LGI2: variants seen among roughly 807,000 people sequenced by gnomAD.
The protein encoded by LGI2 is leucine rich repeat LGI family member 2, also known as leucine-rich repeat LGI family member 2.
Under a neutral mutation model 52.0 loss-of-function variants are expected in LGI2, and 30 were observed. The ratio of observed to expected loss-of-function variants is 0.58; its 90% CI spans 0.43 to 0.78. The LOEUF (loss-of-function observed/expected upper bound fraction) is 0.78. Among genes scored for constraint, LGI2 ranks in the 30% least tolerant of loss-of-function variants. LGI2 has a pLI of 0.00. For missense variants in LGI2, 573 were observed against 692.5 expected (o/e 0.83, Z 1.94); for synonymous variants, 270 against 271.8 (o/e 0.99, Z 0.06).
intron 2 of LGI2, among the ~76,000 whole-genome samples, chr4:25,027,281 C>T (rs1409741003): frequency 1.3e-5 from 2 of 151,010 alleles, no homozygotes; most frequent in Non-Finnish European, 2.9e-5. Flanking sequence ...CACAAGCAAT[C>T]ATAAAATTAG....
intron 4 of LGI2, among the ~76,000 whole-genome samples, chr4:25,024,184 C>T (rs1404607297): frequency 6.6e-6 from 1 of 152,164 alleles, no homozygotes; most frequent in African/African-American, 2.4e-5. Flanking sequence ...GCACCCAGCC[C>T]TGTGCCTGGT....
chr4:25,003,859 G>C lies in LGI2; in HGVS notation c.1230C>G (p.Pro410=). The change falls in exon 8 of 8, where the codon CCC becomes CCG. Residue 410 remains proline (P), a synonymous_variant. Coordinates refer to ENST00000382114, the MANE Select transcript of LGI2 (RefSeq NM_018176.4). ...CCTCCATGTTGGGGATGTCACCATG[G>C]GGGACAAACTTCTTAGAGCTTTTAT... ...QWNKSSKKFV[P]HGDIPNMEDV... The C allele has an allele frequency of 6.2e-7, 1 of 1,614,174 alleles. No homozygotes were observed. The highest frequency in any genetic ancestry group is 8.5e-7 in the Non-Finnish European group (1 of 1,180,036).
chr4:25,012,235 A>G, intron 7 of LGI2, 100 bp downstream of exon 7: 1 of 1,341,496 alleles, frequency 7.5e-7, no homozygotes, highest in Non-Finnish European at 1.0e-6. Flanking sequence ...ACCAGGTTAG[A>G]GAGCCGAGCT....
intron 6 of LGI2, among the ~76,000 whole-genome samples, chr4:25,016,962 C>G (rs1178166132): frequency 6.6e-6 from 1 of 152,176 alleles, no homozygotes; most frequent in African/African-American, 2.4e-5. Context: ...GAAACCCCAC[C>G]TAAGCCTTTC....
chr4:25,013,717 A>G (rs989837216), intron 6 of LGI2, among the ~76,000 whole-genome samples: 2 of 152,216 alleles, frequency 1.3e-5, no homozygotes, highest in African/African-American at 4.8e-5. Flanking sequence ...TTGCAGTGCT[A>G]TGGTGATCAC....
At chr4:25,012,745 T>C (rs915932408) in intron 6 of LGI2, among the ~76,000 whole-genome samples, 10 of 152,252 alleles carry the variant, frequency 6.6e-5, no homozygotes, top group Admixed American at 1.3e-4. Context: ...GAGAAACAGC[T>C]TCCCGAGTTT....
chr4:25,018,304 A>G (rs1725837602), intron 5 of LGI2, 146 bp from the exon 6 acceptor site: 1 of 584,204 alleles, frequency 1.7e-6, no homozygotes, highest in African/African-American at 1.9e-5. Context: ...TTTTATAATT[A>G]ATATCTCCTG....
At chr4:25,014,182 AT>A (rs1459504200) in intron 6 of LGI2, among the ~76,000 whole-genome samples, 1 of 152,082 alleles carries the variant, frequency 6.6e-6, no homozygotes, top group Admixed American at 6.5e-5. Context: ...CCTCCCTCCC[AT>A]TAGCCTCCCT....
At chr4:25,006,698 C>T (rs1368228955) in intron 7 of LGI2, among the ~76,000 whole-genome samples, 1 of 152,212 alleles carries the variant, frequency 6.6e-6, no homozygotes, top group Admixed American at 6.5e-5. Context: ...CATGCATTTA[C>T]TTATTTAATC....
Position 25,004,347 on chromosome 4 carries a change from C to CAGTGTA in LGI2, c.821-80_821-79insTACACT. 1 of 1,261,424 alleles carries CAGTGTA rather than the reference C, an allele frequency of 7.9e-7. No individual in the cohort carries two copies. Among genetic ancestry groups the CAGTGTA allele is most frequent in the Non-Finnish European group, 1.1e-6 (1 of 911,954 alleles). The allele number at this position is 1,261,424 out of a possible 1,614,324, so 78.1% of individuals were successfully genotyped here. On this transcript the variant is annotated intron_variant, in intron 7 of 7. Transcript: ENST00000382114. This position sits in a 1 kb window ranked among gnomAD's most constrained non-coding sequence, Gnocchi z 4.6. ...TCTCCGCTTGTACTCTTATACACTGCTGGTGGGAGTGTGAAATGGCACAGC... is the reference window on the plus strand; with the variant it reads ...TCTCCGCTTGTACTCTTATACACTGCAGTGTATGGTGGGAGTGTGAAATGGCACAGC...
At chr4:25,029,316 T>C (rs1726251721) in intron 1 of LGI2, among the ~76,000 whole-genome samples, 1 of 152,168 alleles carries the variant, frequency 6.6e-6, no homozygotes, top group Non-Finnish European at 1.5e-5. Context: ...TTAGCAATAT[T>C]AAGAATCAAA....
intron 2 of LGI2, among the ~76,000 whole-genome samples, chr4:25,027,629 GT>G (rs1268233230): frequency 6.6e-6 from 1 of 152,174 alleles, no homozygotes; most frequent in African/African-American, 2.4e-5. Flanking sequence ...AGTATCAAGA[GT>G]ATGTTTATTG....
rs182896460 is a variant in LGI2, at chr4:25,028,040, T to C, written c.269+467A>G. Among the ~76,000 whole-genome samples the C allele has an allele frequency of 1.3e-4, 20 of 152,348 alleles. 1 individual carries two copies. Among genetic ancestry groups the C allele is most frequent in the Admixed American group, 1.3e-3 (20 of 15,304 alleles). Reference sequence around the variant, plus strand: ...AAATGGGATCATAAGCATGCCTTCATCATACCGATGAAGTGATGATGAAAT... The same window carrying C: ...AAATGGGATCATAAGCATGCCTTCACCATACCGATGAAGTGATGATGAAAT... On this transcript the variant is annotated intron_variant, in intron 2 of 7. Coordinates refer to ENST00000382114, the MANE Select transcript of LGI2 (RefSeq NM_018176.4).
At chr4:25,011,854 G>A (rs555360041) in intron 7 of LGI2, among the ~76,000 whole-genome samples, 18 of 152,194 alleles carry the variant, frequency 1.2e-4, no homozygotes, top group East Asian at 5.8e-4. Flanking sequence ...TTCTTATTTC[G>A]TATGTACTTA....
At chr4:25,012,559 C>T (rs1725624262) in intron 6 of LGI2, 60 bp from the exon 7 acceptor site, 7 of 1,556,734 alleles carry the variant, frequency 4.5e-6, no homozygotes, top group Non-Finnish European at 6.2e-6. Flanking sequence ...GATTATCAAC[C>T]ACCATCACCG....
chr4:25,011,382 C>T (rs141833209), intron 7 of LGI2, among the ~76,000 whole-genome samples: 23 of 152,312 alleles, frequency 1.5e-4, no homozygotes, highest in African/African-American at 3.8e-4. Context: ...GATGGCCCGA[C>T]GGTGGCCAGC....
chr4:25,004,306 T>C lies in LGI2; in HGVS notation c.821-38A>G. 1 of 1,558,816 alleles carries C rather than the reference T, an allele frequency of 6.4e-7. No individual in the cohort carries two copies. The highest frequency in any genetic ancestry group is 1.4e-5 in the African/African-American group (1 of 73,468). On this transcript the variant is annotated intron_variant, in intron 7 of 7. Transcript: ENST00000382114. The surrounding 1 kb of genome is among the most constrained non-coding windows in gnomAD (Gnocchi z 4.6). ...ATAAAGGAGAGGACATTAGTGCAAC[T>C]ACAGCTAAAAACGCATCTCCGCTTG...
intron 6 of LGI2, among the ~76,000 whole-genome samples, chr4:25,016,626 G>T (rs1649580237): frequency 6.6e-6 from 1 of 152,152 alleles, no homozygotes; most frequent in African/African-American, 2.4e-5. Context: ...TGAGATTGCA[G>T]GTTGTCTATC....
intron 7 of LGI2, among the ~76,000 whole-genome samples, chr4:25,010,991 A>T (rs990502811): frequency 4.6e-5 from 7 of 151,860 alleles, no homozygotes; most frequent in Admixed American, 3.3e-4. Context: ...CTGGGGCAGG[A>T]GGATCCCTTG....
Sources: allele counts gnomAD v4.1 joint callset (sites outside exome capture counted in the v4.1 genomes callset), GRCh38; gene constraint gnomAD v4.1.1; non-coding constraint Gnocchi (gnomAD v3.1); transcripts MANE v1.5; gene names NCBI Gene and HGNC (gene_info 2026-07-23, HGNC 2026-07-21).